Variants in CCDC3 observed in about 807,000 individuals in gnomAD.
CCDC3 encodes the protein coiled-coil domain containing 3, also known as coiled-coil domain-containing protein 3.
A neutral mutation model predicts 21.4 loss-of-function variants in CCDC3; 24 were observed. The ratio of observed to expected loss-of-function variants is 1.12; its 90% confidence interval spans 0.81 to 1.58. The LOEUF is 1.58. Ranked by LOEUF, CCDC3 falls within the 40% of genes most tolerant of loss-of-function variation. CCDC3 has a pLI of 0.00. For missense variants in CCDC3, 425 were observed against 360.9 expected (o/e 1.18, Z -1.44); for synonymous variants, 186 against 166.0 (o/e 1.12, Z -0.93).
intron 5 of CCDC3, among the ~76,000 whole-genome samples, chr10:13,012,559 G>A (rs1405015797): frequency 6.6e-6 from 1 of 152,118 alleles, no homozygotes; most frequent in Non-Finnish European, 1.5e-5. Context: ...CAAGGTTGTA[G>A]AGAAAAGAGA....
At chr10:13,045,776 T>A (rs551058747) in intron 5 of CCDC3, among the ~76,000 whole-genome samples, 2 of 152,128 alleles carry the variant, frequency 1.3e-5, no homozygotes, top group Admixed American at 1.3e-4. Context: ...GTAAGCACTA[T>A]AAAACTTTTT....
intron 2 of CCDC3, among the ~76,000 whole-genome samples, chr10:12,987,427 G>C (rs531296767): frequency 6.6e-6 from 1 of 152,220 alleles, no homozygotes; most frequent in South Asian, 2.1e-4. Flanking sequence ...CCAATACTCT[G>C]TCCTTATTAG....
chr10:13,018,618 T>C (rs1184464492), intron 5 of CCDC3, among the ~76,000 whole-genome samples: 2 of 152,104 alleles, frequency 1.3e-5, no homozygotes, highest in Non-Finnish European at 2.9e-5. Flanking sequence ...CTTAGTGGGA[T>C]ATTATGATGG....
chr10:13,061,370 G>A (rs1310654835), intron 4 of CCDC3, among the ~76,000 whole-genome samples: 1 of 152,204 alleles, frequency 6.6e-6, no homozygotes, highest in Non-Finnish European at 1.5e-5. Flanking sequence ...TATCAGAGAT[G>A]TTGTTTATTA....
At chr10:12,934,962 T>G (rs1331664748) in intron 2 of CCDC3, among the ~76,000 whole-genome samples, 2 of 152,140 alleles carry the variant, frequency 1.3e-5, no homozygotes, top group East Asian at 3.9e-4. Flanking sequence ...TGGAGTCCAT[T>G]GGTGCAATCA....
intron 2 of CCDC3, among the ~76,000 whole-genome samples, chr10:12,959,571 G>A (rs1393713643): frequency 1.3e-5 from 2 of 152,182 alleles, no homozygotes; most frequent in African/African-American, 2.4e-5. Context: ...CTCTATTTGT[G>A]TAGTCAGGGG....
chr10:13,059,851 A>G (rs909992997), intron 4 of CCDC3, among the ~76,000 whole-genome samples: 5 of 152,124 alleles, frequency 3.3e-5, no homozygotes, highest in Admixed American at 1.3e-4. Flanking sequence ...GCACTTTGGG[A>G]GGCCGAGGAG....
intron 3 of CCDC3, among the ~76,000 whole-genome samples, chr10:13,078,849 G>A (rs1251150): frequency 0.02 from 3,007 of 151,260 alleles, 95 homozygotes; most frequent in South Asian, 0.09. Context: ...ATCACACAAC[G>A]GGGCCTGTCG....
At chr10:12,941,912 A>G (rs999545929) in intron 2 of CCDC3, among the ~76,000 whole-genome samples, 1 of 152,232 alleles carries the variant, frequency 6.6e-6, no homozygotes, top group Non-Finnish European at 1.5e-5. Flanking sequence ...CTAAGTAACT[A>G]AAGAATGGAG....
At chr10:13,016,343 A>G (rs1046327806) in intron 5 of CCDC3, among the ~76,000 whole-genome samples, 4 of 151,784 alleles carry the variant, frequency 2.6e-5, no homozygotes, top group African/African-American at 9.7e-5. Context: ...CGAAAAAAAA[A>G]AAAAAAAAAC....
At chr10:12,998,208 G>A in intron 2 of CCDC3, 130 bp downstream of exon 2, 1 of 907,942 alleles carries the variant, frequency 1.1e-6, no homozygotes, top group Non-Finnish European at 1.6e-6. Context: ...AGGAGAGAGA[G>A]AGGGCATACG....
intron 2 of CCDC3, among the ~76,000 whole-genome samples, chr10:12,936,299 G>A (rs1290599024): frequency 6.6e-6 from 1 of 152,126 alleles, no homozygotes; most frequent in South Asian, 2.1e-4. Context: ...CATGGTGTCT[G>A]AGAAGTTGGA....
In CCDC3 at chr10:13,031,410, A is replaced by G. The variant is rs888517845; in HGVS notation, c.-2+18264T>C. On this transcript the variant is annotated intron_variant, in intron 5 of 6. Coordinates refer to the CCDC3 transcript ENST00000378839. ...AGAAAGCAGGAAAGATCTAAAATTG[A>G]CACCCTAACATCACAATTAAAAGAA... is the stretch of plus-strand genomic sequence containing the variant. 4.6e-5 allele frequency among the ~76,000 whole-genome samples: 7 copies of G among 152,356 alleles called. No individual in the cohort carries two copies. In the South Asian group the frequency reaches 1.4e-3, roughly 32 times the overall value.
intron 3 of CCDC3, among the ~76,000 whole-genome samples, chr10:13,078,729 A>G (rs1836996298): frequency 1.3e-5 from 2 of 152,182 alleles, no homozygotes; most frequent in Admixed American, 1.3e-4. Context: ...ATGAAGCTGG[A>G]AACCACCATT....
At chr10:12,904,004 G>A (rs151207918) in intron 2 of CCDC3, among the ~76,000 whole-genome samples, 115 of 152,216 alleles carry the variant, frequency 7.6e-4, no homozygotes, top group African/African-American at 2.7e-3. Context: ...AAAGAAAACT[G>A]GAGTCCTGCT....
intron 2 of CCDC3, among the ~76,000 whole-genome samples, chr10:12,923,025 T>C (rs2131218449): frequency 6.6e-6 from 1 of 152,294 alleles, no homozygotes; most frequent in East Asian, 1.9e-4. Context: ...TTGGAACACA[T>C]CACTTATTTT....
intron 5 of CCDC3, among the ~76,000 whole-genome samples, chr10:13,008,814 A>G (rs1835953169): frequency 6.6e-6 from 1 of 152,220 alleles, no homozygotes; most frequent in Non-Finnish European, 1.5e-5. Flanking sequence ...GCATCTATGC[A>G]GTCTACTGCT....
chr10:12,962,142 C>T lies in CCDC3; in HGVS notation c.549+36196G>A, dbSNP rs573164302. 1.1e-4 allele frequency among the ~76,000 whole-genome samples: 16 copies of T among 152,324 alleles called. No individual in the cohort carries two copies. In the East Asian group the frequency reaches 1.2e-3, roughly 11 times the overall value. ...CTCCCAAATTTCTCCAGGCCTTCTT[C>T]GGCTTCTCTGAAGTGGAAGGATTTG... On this transcript the variant is annotated intron_variant, in intron 2 of 2. Transcript: ENST00000378825.
At chr10:12,959,459 T>A (rs1564299066) in intron 2 of CCDC3, among the ~76,000 whole-genome samples, 1 of 152,144 alleles carries the variant, frequency 6.6e-6, no homozygotes, top group African/African-American at 2.4e-5. Flanking sequence ...TGAGGCACCG[T>A]GCCCAACCTA....
Sources: allele counts gnomAD v4.1 joint callset (sites outside exome capture counted in the v4.1 genomes callset), GRCh38; gene constraint gnomAD v4.1.1; transcripts MANE v1.5; gene names NCBI Gene and HGNC (gene_info 2026-07-23, HGNC 2026-07-21).